SNX3: variants seen among roughly 807,000 people sequenced by gnomAD.
The protein encoded by SNX3 is sorting nexin 3.
A neutral mutation model predicts 17.7 loss-of-function variants in SNX3; 5 were observed. The ratio of observed to expected loss-of-function variants is 0.28; its 90% CI spans 0.15 to 0.59. The LOEUF is 0.59. SNX3 is among the 20% of genes least tolerant of loss of function. The pLI, the probability that SNX3 is intolerant of heterozygous loss-of-function variation, is 0.88. For synonymous variants in SNX3, 91 were observed against 76.5 expected, an observed-to-expected ratio of 1.19 and a Z score of -0.99; for missense variants, 132 against 206.8, an observed-to-expected ratio of 0.64 and a Z score of 2.22.
chr6:108,234,458 G>A (rs1008960073), intron 1 of SNX3, among the ~76,000 whole-genome samples: 6 of 152,036 alleles, frequency 3.9e-5, no homozygotes, highest in African/African-American at 1.4e-4. Context: ...GGCTGAGGCA[G>A]GAGAATCGCT....
chr6:108,217,609 A>G (rs1774627827), intron 2 of SNX3, among the ~76,000 whole-genome samples: 1 of 152,068 alleles, frequency 6.6e-6, no homozygotes, highest in Admixed American at 6.6e-5. Flanking sequence ...ACAAAAAATT[A>G]GCCGGGCATG....
At chr6:108,214,092 C>T (rs1483747022) in intron 3 of SNX3, among the ~76,000 whole-genome samples, 3 of 152,164 alleles carry the variant, frequency 2.0e-5, no homozygotes, top group East Asian at 1.9e-4. Context: ...TAAAAACATG[C>T]ACCTTTATAC....
intron 1 of SNX3, among the ~76,000 whole-genome samples, chr6:108,243,927 C>T (rs1221458507): frequency 2.0e-5 from 3 of 152,038 alleles, no homozygotes; most frequent in Admixed American, 6.6e-5. Flanking sequence ...AGTGAGACTG[C>T]CTCAAAAATC....
chr6:108,245,165 G>A (rs983209919), intron 1 of SNX3, among the ~76,000 whole-genome samples: 37 of 151,770 alleles, frequency 2.4e-4, no homozygotes, highest in Admixed American at 2.2e-3. Flanking sequence ...CTGTGTCCAT[G>A]TGATCTCATT....
intron 2 of SNX3, among the ~76,000 whole-genome samples, chr6:108,215,071 C>T (rs1399306376): frequency 2.0e-5 from 3 of 152,206 alleles, no homozygotes; most frequent in Non-Finnish European, 2.9e-5. Flanking sequence ...TGGTTTCAGC[C>T]GGGCGTGGTG....
At position 108,247,052 on chromosome 6, in the gene SNX3, T is replaced by C. The variant is rs561088938; in HGVS notation, c.162+13708A>G. ...TGTAAACCCCCAGGTGACCGTATCA[T>C]GGGGGCAGTTCCCCTATGCTCTTCT... On this transcript the variant is annotated intron_variant, in intron 1 of 3. Transcript: ENST00000230085. Among the ~76,000 whole-genome samples the C allele has an allele frequency of 3.3e-5, 5 of 152,260 alleles. No individual in the cohort carries two copies. The South Asian group carries it at 1.0e-3, about 32-fold the overall frequency.
intron 1 of SNX3, among the ~76,000 whole-genome samples, chr6:108,236,386 T>A (rs866682986): frequency 0.093 from 12,752 of 136,890 alleles, 1,013 homozygotes; most frequent in African/African-American, 0.22. Context: ...TTATTTTTTT[T>A]TTTTTTTTTT....
intron 1 of SNX3, among the ~76,000 whole-genome samples, chr6:108,226,197 C>T (rs577820174): frequency 6.6e-6 from 1 of 152,134 alleles, no homozygotes; most frequent in East Asian, 1.9e-4. Flanking sequence ...ACCTCAACCC[C>T]CTGTGTAGCT....
chr6:108,227,025 C>A (rs1351068601), intron 1 of SNX3, among the ~76,000 whole-genome samples: 1 of 152,168 alleles, frequency 6.6e-6, no homozygotes, highest in Non-Finnish European at 1.5e-5. Context: ...GCTTGTTGTA[C>A]AGAGGGTATT....
At chr6:108,238,418 CA>C (rs1775418642) in intron 1 of SNX3, among the ~76,000 whole-genome samples, 1 of 152,016 alleles carries the variant, frequency 6.6e-6, no homozygotes, top group Non-Finnish European at 1.5e-5. Context: ...TTAAAGCTAA[CA>C]AAAATTTTCT....
chr6:108,244,659 T>G (rs1228017458), intron 1 of SNX3, among the ~76,000 whole-genome samples: 1 of 145,414 alleles, frequency 6.9e-6, no homozygotes, highest in African/African-American at 2.6e-5. Flanking sequence ...TTTTTTTTTT[T>G]TTTTTTTTTT....
At chr6:108,250,202 T>G (rs771954955) in intron 1 of SNX3, among the ~76,000 whole-genome samples, 1 of 152,204 alleles carries the variant, frequency 6.6e-6, no homozygotes, top group African/African-American at 2.4e-5. Context: ...TGAGCCACCA[T>G]GCCCGGCCTC....
At chr6:108,247,430 C>T (rs112121954) in intron 1 of SNX3, among the ~76,000 whole-genome samples, 2,780 of 152,004 alleles carry the variant, frequency 0.018, 97 homozygotes, top group African/African-American at 0.064. Context: ...TGCAGTGGCA[C>T]GACCACGGCT....
intron 1 of SNX3, among the ~76,000 whole-genome samples, chr6:108,240,133 A>G (rs978946183): frequency 6.6e-6 from 1 of 152,240 alleles, no homozygotes; most frequent in Non-Finnish European, 1.5e-5. Flanking sequence ...GAAAGTGGGC[A>G]CAGGTGTATA....
chr6:108,222,941 C>A lies in SNX3; in HGVS notation c.258+9G>T. 1 of 1,533,888 alleles carries A rather than the reference C, an allele frequency of 6.5e-7. No homozygotes were observed. Among genetic ancestry groups the A allele is most frequent in the South Asian group, 1.1e-5 (1 of 87,760 alleles). On this transcript the variant is annotated intron_variant, in intron 2 of 3. Coordinates refer to ENST00000230085, the MANE Select transcript of SNX3 (RefSeq NM_003795.6). ...TTTGCTTTAAAGTTGCATCATAAAT[C>A]ATTCTTACCTTGCTCTCTCTTTCTA...
chr6:108,231,740 T>C (rs1775166437), intron 1 of SNX3, among the ~76,000 whole-genome samples: 1 of 152,222 alleles, frequency 6.6e-6, no homozygotes, highest in African/African-American at 2.4e-5. Context: ...TAATTCGAAC[T>C]TACAGAACTA....
chr6:108,228,319 C>A (rs1034280250), intron 1 of SNX3, among the ~76,000 whole-genome samples: 1 of 152,038 alleles, frequency 6.6e-6, no homozygotes, highest in Admixed American at 6.6e-5. Context: ...GAGGCCAAGG[C>A]GGGTGGATCA....
intron 2 of SNX3, chr6:108,222,382 AATTCT>A: frequency 7.7e-7 from 1 of 1,291,766 alleles, no homozygotes; most frequent in Non-Finnish European, 1.0e-6. Flanking sequence ...AAAGCTACCA[AATTCT>A]ATTCTAAGAG....
chr6:108,260,728 G>A (rs1582522321), intron 1 of SNX3, 32 bp downstream of exon 1: 11 of 1,612,744 alleles, frequency 6.8e-6, no homozygotes, highest in East Asian at 6.7e-5. Flanking sequence ...CAGCGGGAGG[G>A]GTTTCTTGGG....
Sources: allele counts gnomAD v4.1 joint callset (sites outside exome capture counted in the v4.1 genomes callset), GRCh38; gene constraint gnomAD v4.1.1; transcripts MANE v1.5; gene names NCBI Gene and HGNC (gene_info 2026-07-23, HGNC 2026-07-21).